RIGI: variants seen among roughly 807,000 people sequenced by gnomAD.
The protein encoded by RIGI is RNA sensor RIG-I.
chr9:32,515,809 G>A, the RIGI span, among the ~76,000 whole-genome samples: 14 of 152,082 alleles, frequency 9.2e-5, no homozygotes, highest in South Asian at 4.1e-4. Flanking sequence ...ACAGACCTTG[G>A]GTTCTCAGCA....
chr9:32,512,946 A>G, the RIGI span, among the ~76,000 whole-genome samples: 1 of 152,148 alleles, frequency 6.6e-6, no homozygotes, highest in East Asian at 1.9e-4. Context: ...AGAGAGCCAA[A>G]TCATGAGTGA....
the RIGI span, among the ~76,000 whole-genome samples, chr9:32,508,590 A>T: frequency 1.3e-5 from 2 of 152,060 alleles, no homozygotes; most frequent in African/African-American, 4.8e-5. Context: ...TTTTCCCCCC[A>T]AGTCTTCGCA....
chr9:32,461,412 C>CTGGTTTA, the RIGI span, among the ~76,000 whole-genome samples: 3 of 152,204 alleles, frequency 2.0e-5, no homozygotes, highest in African/African-American at 7.2e-5. Context: ...GTCCGTCCCA[C>CTGGTTTA]TGGTTTATGG....
chr9:32,495,967 C>T, the RIGI span, among the ~76,000 whole-genome samples: 16 of 152,260 alleles, frequency 1.1e-4, no homozygotes, highest in African/African-American at 3.9e-4. Flanking sequence ...CTTTGAGTTG[C>T]AGGAGTTCTT....
chr9:32,469,867 C>G, the RIGI span, among the ~76,000 whole-genome samples: 2 of 148,466 alleles, frequency 1.3e-5, no homozygotes, highest in Non-Finnish European at 3.0e-5. Flanking sequence ...ATCACCTGAT[C>G]TCCACTCACT....
At chr9:32,468,522 T>A in the RIGI span, among the ~76,000 whole-genome samples, 1 of 152,048 alleles carries the variant, frequency 6.6e-6, no homozygotes, top group Non-Finnish European at 1.5e-5. Flanking sequence ...AAGAATTAGC[T>A]GGGCATGGTG....
the RIGI span, among the ~76,000 whole-genome samples, chr9:32,498,884 G>A: frequency 4.0e-5 from 6 of 150,300 alleles, no homozygotes; most frequent in Non-Finnish European, 8.8e-5. Context: ...TCAGGAGGCT[G>A]AGACATGAAA....
the RIGI span, among the ~76,000 whole-genome samples, chr9:32,500,384 T>G: frequency 1.3e-5 from 2 of 152,186 alleles, no homozygotes; most frequent in African/African-American, 4.8e-5. Flanking sequence ...ATTTAGGACT[T>G]CTTTAATATC....
chr9:32,489,659 A>G, the RIGI span, among the ~76,000 whole-genome samples: 1 of 131,202 alleles, frequency 7.6e-6, no homozygotes, highest in Admixed American at 7.5e-5. Context: ...GATGGCAAGA[A>G]AGAAAAAAAA....
At chr9:32,521,590 A>C in the RIGI span, among the ~76,000 whole-genome samples, 1 of 152,092 alleles carries the variant, frequency 6.6e-6, no homozygotes, top group East Asian at 1.9e-4. Flanking sequence ...GTTTTTTTTA[A>C]CCTCAAACTA....
chr9:32,491,639 C>CA, the RIGI span, among the ~76,000 whole-genome samples: 1 of 145,436 alleles, frequency 6.9e-6, no homozygotes, highest in Non-Finnish European at 1.5e-5. Flanking sequence ...CTATATTACT[C>CA]AAAGTGTGGA....
the RIGI span, chr9:32,459,541 G>C: frequency 1.3e-6 from 2 of 1,596,760 alleles, no homozygotes; most frequent in Non-Finnish European, 1.7e-6. Context: ...GACCGCAAAT[G>C]TAATTTGAGT....
chr9:32,508,703 G>GT, the RIGI span, among the ~76,000 whole-genome samples: 396 of 149,146 alleles, frequency 2.7e-3, 1 homozygote, highest in African/African-American at 7.8e-3. Context: ...GCTAGCTGCA[G>GT]TTTTTTTTTT....
the RIGI span, among the ~76,000 whole-genome samples, chr9:32,517,666 A>G: frequency 6.6e-6 from 1 of 152,230 alleles, no homozygotes; most frequent in Non-Finnish European, 1.5e-5. Context: ...CTATAAACCC[A>G]GTGAATATTT....
At chr9:32,466,538 C>A in the RIGI span, 1 of 1,111,898 alleles carries the variant, frequency 9.0e-7, no homozygotes. Flanking sequence ...TAAAATTCAA[C>A]TTTGGTTCAC....
chr9:32,482,416 T>C, the RIGI span, among the ~76,000 whole-genome samples: 4 of 152,184 alleles, frequency 2.6e-5, no homozygotes, highest in African/African-American at 4.8e-5. Context: ...AACCCACATG[T>C]GTCAGATGCC....
chr9:32,509,547 A>G, the RIGI span, among the ~76,000 whole-genome samples: 1 of 152,234 alleles, frequency 6.6e-6, no homozygotes, highest in East Asian at 1.9e-4. Flanking sequence ...AATATCATCA[A>G]TATCAACGAA....
At chr9:32,467,918 C>A in the RIGI span, 1 of 1,592,684 alleles carries the variant, frequency 6.3e-7, no homozygotes, top group Middle Eastern at 1.7e-4. Flanking sequence ...CACTTCTGTG[C>A]CGGGAGGGTC....
the RIGI span, among the ~76,000 whole-genome samples, chr9:32,518,913 T>C: frequency 6.6e-6 from 1 of 152,214 alleles, no homozygotes; most frequent in Non-Finnish European, 1.5e-5. Flanking sequence ...TTTTACCATG[T>C]TGGCCAGGCT....
Sources: gnomAD v4.1 joint callset for allele counts (sites outside exome capture counted in the v4.1 genomes callset) on GRCh38, gnomAD v4.1.1 for gene constraint, MANE v1.5 for transcripts, NCBI Gene and HGNC (gene_info 2026-07-23, HGNC 2026-07-21) for gene names.